The following SLC35D4 variants were observed in gnomAD, a reference collection of about 807,000 sequenced individuals.
SLC35D4 encodes the protein solute carrier family 35 member D4.
At chr18:23,355,438 G>T in the SLC35D4 span, among the ~76,000 whole-genome samples, 1 of 152,124 alleles carries the variant, frequency 6.6e-6, no homozygotes, top group East Asian at 1.9e-4. Context: ...CGCCCAGCAC[G>T]AAGACTCATG....
chr18:23,381,957 C>T, the SLC35D4 span, among the ~76,000 whole-genome samples: 1 of 152,192 alleles, frequency 6.6e-6, no homozygotes, highest in African/African-American at 2.4e-5. Flanking sequence ...GAAAGTATCC[C>T]AGCCAGGTGC....
At chr18:23,252,583 A>G in the SLC35D4 span, among the ~76,000 whole-genome samples, 1 of 152,158 alleles carries the variant, frequency 6.6e-6, no homozygotes, top group Non-Finnish European at 1.5e-5. Context: ...AGACTAGTGA[A>G]TGGTCAAGTG....
At chr18:23,429,995 G>C in the SLC35D4 span, among the ~76,000 whole-genome samples, 2 of 152,138 alleles carry the variant, frequency 1.3e-5, no homozygotes, top group Admixed American at 1.3e-4. Context: ...TTGCTGTTCA[G>C]AAAGTCTTTA....
chr18:23,317,912 G>C, the SLC35D4 span, among the ~76,000 whole-genome samples: 1 of 151,878 alleles, frequency 6.6e-6, no homozygotes, highest in African/African-American at 2.4e-5. Flanking sequence ...GGTAATTTTT[G>C]TATTTTTAGT....
chr18:23,267,989 T>TG, the SLC35D4 span, among the ~76,000 whole-genome samples: 1 of 152,346 alleles, frequency 6.6e-6, no homozygotes, highest in African/African-American at 2.4e-5. Context: ...ATTTAGGTCC[T>TG]GGGGGCCTCA....
the SLC35D4 span, among the ~76,000 whole-genome samples, chr18:23,268,797 T>TGC: frequency 7.2e-6 from 1 of 138,508 alleles, no homozygotes; most frequent in Non-Finnish European, 1.5e-5. Context: ...TGTGCGTGTG[T>TGC]GTGTGCGTGT....
At chr18:23,413,237 A>C in the SLC35D4 span, among the ~76,000 whole-genome samples, 2 of 152,174 alleles carry the variant, frequency 1.3e-5, no homozygotes, top group East Asian at 3.9e-4. Flanking sequence ...CAGAATCATC[A>C]CTTCTTCCCA....
chr18:23,295,484 G>GA, the SLC35D4 span, among the ~76,000 whole-genome samples: 3 of 151,362 alleles, frequency 2.0e-5, no homozygotes, highest in African/African-American at 7.3e-5. Context: ...CTGGAGGTTA[G>GA]AAAAAAAATA....
the SLC35D4 span, among the ~76,000 whole-genome samples, chr18:23,360,931 G>A: frequency 1.3e-5 from 2 of 151,420 alleles, no homozygotes; most frequent in Non-Finnish European, 3.0e-5. Context: ...GTGGAACCCC[G>A]TCTCTACTAA....
At chr18:23,409,798 C>T in the SLC35D4 span, among the ~76,000 whole-genome samples, 18 of 147,886 alleles carry the variant, frequency 1.2e-4, no homozygotes, top group East Asian at 1.4e-3. Context: ...GAGCCGAGAT[C>T]GCACCATTGC....
the SLC35D4 span, among the ~76,000 whole-genome samples, chr18:23,402,741 C>T: frequency 6.6e-6 from 1 of 151,928 alleles, no homozygotes; most frequent in Non-Finnish European, 1.5e-5. Flanking sequence ...GAGGTCAAGG[C>T]TGCAGTGAAC....
chr18:23,356,701 G>C, the SLC35D4 span: 6 of 1,600,624 alleles, frequency 3.7e-6, no homozygotes, highest in South Asian at 2.2e-5. The surrounding 1 kb of genome is among the most constrained non-coding windows in gnomAD (Gnocchi z 4.1). Context: ...TGACCCATGA[G>C]GCCTCACATG....
At chr18:23,273,045 T>C in the SLC35D4 span, among the ~76,000 whole-genome samples, 1 of 152,164 alleles carries the variant, frequency 6.6e-6, no homozygotes, top group Admixed American at 6.5e-5. Flanking sequence ...TCAGCCTGGT[T>C]TTATCTTGTC....
the SLC35D4 span, among the ~76,000 whole-genome samples, chr18:23,317,373 C>A: frequency 6.6e-6 from 1 of 152,174 alleles, no homozygotes; most frequent in Non-Finnish European, 1.5e-5. Flanking sequence ...CACTTCATGG[C>A]ATCAATGAAA....
At chr18:23,357,222 A>G in the SLC35D4 span, among the ~76,000 whole-genome samples, 2 of 152,100 alleles carry the variant, frequency 1.3e-5, no homozygotes, top group Admixed American at 6.5e-5. Flanking sequence ...TTTATGTTTA[A>G]TGACTGCAAG....
the SLC35D4 span, among the ~76,000 whole-genome samples, chr18:23,243,787 G>C: frequency 5.3e-5 from 8 of 150,312 alleles, no homozygotes; most frequent in African/African-American, 2.0e-4. Context: ...CAGGAGAATC[G>C]CTTGAACCCG....
chr18:23,371,923 C>CTTAG, the SLC35D4 span, among the ~76,000 whole-genome samples: 1 of 111,588 alleles, frequency 9.0e-6, no homozygotes, highest in Non-Finnish European at 1.7e-5. Context: ...TTATTTCTTC[C>CTTAG]TTGTTTTTTT....
At chr18:23,273,047 T>A in the SLC35D4 span, among the ~76,000 whole-genome samples, 1 of 152,228 alleles carries the variant, frequency 6.6e-6, no homozygotes. Context: ...AGCCTGGTTT[T>A]ATCTTGTCAA....
the SLC35D4 span, among the ~76,000 whole-genome samples, chr18:23,283,203 A>C: frequency 6.6e-6 from 1 of 152,076 alleles, no homozygotes; most frequent in Admixed American, 6.5e-5. Flanking sequence ...AAAGTAAAGG[A>C]AGGCCGGGCG....
Sources: allele counts gnomAD v4.1 joint callset (sites outside exome capture counted in the v4.1 genomes callset), GRCh38; gene constraint gnomAD v4.1.1; non-coding constraint Gnocchi (gnomAD v3.1); transcripts MANE v1.5; gene names NCBI Gene and HGNC (gene_info 2026-07-23, HGNC 2026-07-21).